The following FEZ1 variants were observed in gnomAD, a reference collection of about 807,000 sequenced individuals.
FEZ1 encodes fasciculation and elongation protein zeta 1.
Under a neutral mutation model 49.3 loss-of-function variants are expected in FEZ1, and 20 were observed. The observed-to-expected ratio is 0.41, with a 90% CI of 0.29 to 0.59. The LOEUF is 0.59. Among genes scored for constraint, FEZ1 ranks in the 20% least tolerant of loss-of-function variants. The pLI is 0.36. For missense variants in FEZ1, 413 were observed against 476.0 expected (o/e 0.87, Z 1.23); for synonymous variants, 170 against 180.9 (o/e 0.94, Z 0.48).
At position 125,448,492 on chromosome 11, in the gene FEZ1, C is replaced by T; in HGVS notation, c.1162+10G>A. Reference sequence around the variant, plus strand: ...CCCTTCTGCTCCAGGAGGCCTGGGGCTGCTCTTACCTTTTAAAATGTAGTC... The same window carrying T: ...CCCTTCTGCTCCAGGAGGCCTGGGGTTGCTCTTACCTTTTAAAATGTAGTC... On this transcript the variant is annotated intron_variant, in intron 9 of 9. Coordinates refer to ENST00000278919, the MANE Select transcript of FEZ1 (RefSeq NM_005103.5). 1 of 1,595,292 alleles carries T rather than the reference C, an allele frequency of 6.3e-7. No homozygotes were observed. Among genetic ancestry groups the T allele is most frequent in the Non-Finnish European group, 8.6e-7 (1 of 1,162,934 alleles).
At chr11:125,454,921 G>A (rs181262226) in intron 6 of FEZ1, among the ~76,000 whole-genome samples, 2 of 151,596 alleles carry the variant, frequency 1.3e-5, no homozygotes, top group East Asian at 3.9e-4. Context: ...GGTTGAGACA[G>A]GAGAATCGCT....
intron 1 of FEZ1, among the ~76,000 whole-genome samples, chr11:125,493,398 GAAAGAAAGAAAGAAA>G (rs1565306847): frequency 7.8e-5 from 5 of 63,764 alleles, no homozygotes. Context: ...AAGAAAGAAA[GAAAGAAAGAAAGAAA>G]GAAAGAAAGA....
chr11:125,489,948 C>A lies in FEZ1; in HGVS notation c.-45-126G>T. 1.2e-6 allele frequency: 1 copy of A among 809,882 alleles called. No homozygotes were observed. The highest frequency in any genetic ancestry group is 1.8e-6 in the Non-Finnish European group (1 of 562,504). The allele number at this position is 809,882 out of a possible 1,614,324, so 50.2% of individuals were successfully genotyped here. A position where few individuals can be genotyped will look rare whatever the true frequency, so the allele number is the denominator to read the frequency against. ...AACAAGGCACTGGTTAAGTACGAAG[C>A]TCCTGGACAAGATCGTCTAGGTTTG... is the stretch of plus-strand genomic sequence containing the variant. On this transcript the variant is annotated intron_variant, in intron 1 of 9. Transcript: ENST00000278919. The surrounding 1 kb of genome is among the most constrained non-coding windows in gnomAD (Gnocchi z 4.2).
At chr11:125,475,012 G>A (rs1347798221) in intron 3 of FEZ1, among the ~76,000 whole-genome samples, 1 of 152,202 alleles carries the variant, frequency 6.6e-6, no homozygotes, top group Non-Finnish European at 1.5e-5. Context: ...AGTCACGCCT[G>A]TAATCCCAGC....
At chr11:125,454,408 C>T (rs957161616) in intron 6 of FEZ1, 198 bp from the exon 7 acceptor site, 9 of 435,812 alleles carry the variant, frequency 2.1e-5, no homozygotes, top group Non-Finnish European at 2.8e-5. Flanking sequence ...GTCTCAAGAA[C>T]TCTTATCTTA....
chr11:125,455,624 C>T (rs1194671571), intron 6 of FEZ1: 2 of 642,124 alleles, frequency 3.1e-6, no homozygotes, highest in East Asian at 5.1e-5. Context: ...AATGTACACA[C>T]TGTCTTCCTG....
chr11:125,494,211 C>A (rs1180051999), intron 1 of FEZ1, among the ~76,000 whole-genome samples: 2 of 152,224 alleles, frequency 1.3e-5, no homozygotes, highest in East Asian at 3.8e-4. Flanking sequence ...CTGAATCCAG[C>A]ATTTGTGGAA....
intron 5 of FEZ1, 123 bp downstream of exon 5, chr11:125,460,375 G>T (rs1957062323): frequency 1.3e-6 from 1 of 764,534 alleles, no homozygotes; most frequent in Admixed American, 2.8e-5. Flanking sequence ...TGACCACCTA[G>T]ATCTGCAAGG....
intron 8 of FEZ1, chr11:125,451,596 G>T (rs1026060448): frequency 6.6e-6 from 1 of 152,138 alleles, no homozygotes; most frequent in African/African-American, 2.4e-5. Context: ...AATTTCCCTC[G>T]TGATCCTCTG....
rs117116943 is a variant in FEZ1, at chr11:125,472,526, G to A, written c.412-8956C>T. Among the ~76,000 whole-genome samples, 426 of 152,128 alleles carry A rather than the reference G, an allele frequency of 2.8e-3. 1 individual carries two copies. Among genetic ancestry groups the A allele is most frequent in the Middle Eastern group, 0.014 (4 of 294 alleles). On this transcript the variant is annotated intron_variant, in intron 3 of 9. Transcript: ENST00000278919. ...ATGATTAAATAGATAAATTCCTTGA[G>A]AAATGTAACTTATCAAACCTGACTC...
rs186698377 is a variant in FEZ1, at chr11:125,478,741, C to G, written c.411+2793G>C. On this transcript the variant is annotated intron_variant, in intron 3 of 9. Coordinates refer to ENST00000278919, the MANE Select transcript of FEZ1 (RefSeq NM_005103.5). ...TAGATAGAAGAAATACTACAAGGAA[C>G]AGAGCTCAAGATCATCCTTCTCAGG... Among the ~76,000 whole-genome samples the G allele has an allele frequency of 3.4e-3, 513 of 152,312 alleles. 5 individuals carry two copies. Among genetic ancestry groups the G allele is most frequent in the Admixed American group, 7.6e-3 (116 of 15,290 alleles).
chr11:125,450,128 A>G (rs915030388), intron 8 of FEZ1, among the ~76,000 whole-genome samples: 5 of 151,762 alleles, frequency 3.3e-5, no homozygotes, highest in Admixed American at 3.3e-4. Flanking sequence ...CCCGGGTTCA[A>G]GCGATTCTCC....
At chr11:125,493,398 GAAAGAAAGAAAGAAAGAAA>G (rs1957408442) in intron 1 of FEZ1, among the ~76,000 whole-genome samples, 1 of 63,764 alleles carries the variant, frequency 1.6e-5, no homozygotes, top group Admixed American at 1.9e-4. Flanking sequence ...AAGAAAGAAA[GAAAGAAAGAAAGAAAGAAA>G]GAAAGAAGGA....
intron 2 of FEZ1, among the ~76,000 whole-genome samples, chr11:125,482,037 G>C (rs575051598): frequency 6.6e-6 from 1 of 152,258 alleles, no homozygotes; most frequent in East Asian, 1.9e-4. Context: ...GAGAGAGAGA[G>C]AGAAAGGGAG....
intron 5 of FEZ1, among the ~76,000 whole-genome samples, chr11:125,457,458 A>G (rs1591584090): frequency 1.3e-5 from 1 of 77,196 alleles, no homozygotes; most frequent in African/African-American, 4.6e-5. Context: ...ATATGTATAT[A>G]TACACATATA....
intron 2 of FEZ1, among the ~76,000 whole-genome samples, chr11:125,486,951 A>G (rs1213900451): frequency 6.6e-6 from 1 of 152,122 alleles, no homozygotes; most frequent in Non-Finnish European, 1.5e-5. Context: ...TGTTGTGTTA[A>G]TTTTTCTCTT....
At chr11:125,457,403 TAAAAAAAAAAA>T (rs141594971) in intron 5 of FEZ1, among the ~76,000 whole-genome samples, 726 of 35,090 alleles carry the variant, frequency 0.021, 14 homozygotes, top group Middle Eastern at 0.083. Context: ...GTTTCTACTT[TAAAAAAAAAAA>T]AAAAAAAAAA....
intron 2 of FEZ1, among the ~76,000 whole-genome samples, chr11:125,483,912 C>T (rs1002120526): frequency 1.3e-5 from 2 of 152,194 alleles, no homozygotes; most frequent in Non-Finnish European, 2.9e-5. Flanking sequence ...TCATCTGAGC[C>T]TTTGCTGATA....
rs1555177847 is a variant in FEZ1, at chr11:125,449,442, AAG to A, written c.1097-877_1097-876del. 1.7e-4 allele frequency among the ~76,000 whole-genome samples: 24 copies of A among 140,858 alleles called. 1 individual carries two copies. The highest frequency in any genetic ancestry group is 2.6e-4 in the Non-Finnish European group (17 of 64,512). The allele number at this position is 140,858 out of a possible 152,430, so 92.4% of individuals were successfully genotyped here. ...TAAAAAAAAAAAAAAAAAAAAAAAAAAGAAGAAGAGGAAGAAAAGAAAAATAA... is the reference window on the plus strand; with the variant it reads ...TAAAAAAAAAAAAAAAAAAAAAAAAAAAGAAGAGGAAGAAAAGAAAAATAA... On this transcript the variant is annotated intron_variant, in intron 8 of 9. Coordinates refer to ENST00000278919, the MANE Select transcript of FEZ1 (RefSeq NM_005103.5).
Sources: gnomAD v4.1 joint callset for allele counts (sites outside exome capture counted in the v4.1 genomes callset) on GRCh38, gnomAD v4.1.1 for gene constraint, Gnocchi (gnomAD v3.1) non-coding constraint, MANE v1.5 for transcripts, NCBI Gene and HGNC (gene_info 2026-07-23, HGNC 2026-07-21) for gene names.